The following METRNL variants were observed in gnomAD, a reference collection of about 807,000 sequenced individuals.
METRNL encodes the protein meteorin like, glial cell differentiation regulator, also known as meteorin-like protein.
Under a neutral mutation model 17.4 loss-of-function variants are expected in METRNL, and 9 were observed. That is an observed-to-expected ratio of 0.52 (90% CI 0.31 to 0.90). METRNL has a LOEUF of 0.90. Among genes scored for constraint, METRNL ranks in the 40% least tolerant of loss-of-function variants. The pLI, the probability that METRNL is intolerant of heterozygous loss-of-function variation, is 0.05. For missense variants in METRNL, 408 were observed against 430.7 expected, an observed-to-expected ratio of 0.95 and a Z score of 0.47; for synonymous variants, 215 against 199.3, an observed-to-expected ratio of 1.08 and a Z score of -0.66.
In METRNL at chr17:83,081,692, C is replaced by A. The variant is rs1323444060; in HGVS notation, c.170+1707C>A. Among the ~76,000 whole-genome samples, 3 of 152,134 alleles carry A rather than the reference C, an allele frequency of 2.0e-5. 1 individual carries two copies. The highest frequency in any genetic ancestry group is 2.0e-4 in the Admixed American group (3 of 15,284). On this transcript the variant is annotated intron_variant, in intron 1 of 3. Transcript: ENST00000320095. The stretch of plus-strand genomic sequence containing the variant: ...CACACACACACACAGGGGACCCCCC[C>A]CAACACACACACACCTGCAGAGCCT...
rs1042503979 is a variant in METRNL at position 83,094,676 on chromosome 17, G to A, written c.*101G>A. 1.5e-5 allele frequency: 15 copies of A among 1,009,032 alleles called. No homozygotes were observed. Among genetic ancestry groups the A allele is most frequent in the Admixed American group, 4.1e-5 (1 of 24,434 alleles). 62.5% of individuals were successfully genotyped at this position (1,009,032 alleles called of 1,614,324 possible). ...CGGTGAGGGCCGCGCGCTGGGAGCCGCATGCCCTGGGCCCAGGCCTGACCC... is the reference window on the plus strand; with the variant it reads ...CGGTGAGGGCCGCGCGCTGGGAGCCACATGCCCTGGGCCCAGGCCTGACCC... On this transcript the variant is annotated 3_prime_UTR_variant, in exon 4 of 4. Transcript: ENST00000320095.
intron 1 of METRNL, among the ~76,000 whole-genome samples, chr17:83,080,571 C>G (rs1306899625): frequency 2.3e-5 from 3 of 131,288 alleles, no homozygotes; most frequent in African/African-American, 5.4e-5. Flanking sequence ...GGCGACCCCC[C>G]CCCCCCCCAC....
At chr17:83,085,767 T>C (rs1352915238) in intron 2 of METRNL, among the ~76,000 whole-genome samples, 1 of 152,164 alleles carries the variant, frequency 6.6e-6, no homozygotes, top group East Asian at 1.9e-4. Flanking sequence ...CCCCCATGCT[T>C]GTGGATCGTG....
chr17:83,090,829 C>A (rs1475050737), intron 2 of METRNL, among the ~76,000 whole-genome samples: 2 of 152,032 alleles, frequency 1.3e-5, no homozygotes, highest in Non-Finnish European at 1.5e-5. Context: ...ATTTGAGATC[C>A]CCCAGTGCTC....
At chr17:83,088,561 C>G (rs888963513) in intron 2 of METRNL, among the ~76,000 whole-genome samples, 5 of 152,122 alleles carry the variant, frequency 3.3e-5, no homozygotes, top group African/African-American at 1.2e-4. Flanking sequence ...CCCCAGTGAG[C>G]AGGTGCCCAG....
intron 2 of METRNL, among the ~76,000 whole-genome samples, chr17:83,090,941 C>T (rs181350225): frequency 3.3e-4 from 51 of 152,260 alleles, no homozygotes; most frequent in Non-Finnish European, 6.5e-4. Flanking sequence ...CCCCAGCCGG[C>T]GAGTGGGATG....
Position 83,094,250 on chromosome 17 carries a change from G to A in METRNL, c.617-6G>A, listed in dbSNP as rs201172466. The A allele has an allele frequency of 6.5e-5, 101 of 1,556,012 alleles. No homozygotes were observed. The highest frequency in any genetic ancestry group is 4.7e-4 in the African/African-American group (35 of 74,134). On this transcript the variant is annotated splice_region_variant and splice_polypyrimidine_tract_variant and intron_variant, in intron 3 of 3. Transcript: ENST00000320095. ...ACTCCCTGTCCCCATCTCCTTCCCCGCACAGCCGTTCGAGGCTCCATCCAG... is the reference window on the plus strand; with the variant it reads ...ACTCCCTGTCCCCATCTCCTTCCCCACACAGCCGTTCGAGGCTCCATCCAG...
chr17:83,080,601 CTTTTTTTT>C (rs563834169), intron 1 of METRNL, among the ~76,000 whole-genome samples: 32 of 52,168 alleles, frequency 6.1e-4, no homozygotes, highest in African/African-American at 2.1e-3. Flanking sequence ...CGGCCGAGGA[CTTTTTTTT>C]TTTTTTTTTT....
At chr17:83,086,688 C>T (rs954648122) in intron 2 of METRNL, among the ~76,000 whole-genome samples, 1 of 152,192 alleles carries the variant, frequency 6.6e-6, no homozygotes, top group Non-Finnish European at 1.5e-5. Context: ...CGTTGGGCTG[C>T]GGGTCACATG....
chr17:83,081,085 G>A (rs2143606816), intron 1 of METRNL, among the ~76,000 whole-genome samples: 1 of 151,778 alleles, frequency 6.6e-6, no homozygotes, highest in East Asian at 2.0e-4. Flanking sequence ...GTGGCGCTGG[G>A]GGGCAGAGTC....
At chr17:83,092,784 C>G (rs560204096) in intron 2 of METRNL, among the ~76,000 whole-genome samples, 3 of 152,138 alleles carry the variant, frequency 2.0e-5, no homozygotes, top group African/African-American at 7.2e-5. Flanking sequence ...CCGGCTCAGC[C>G]GCACTGAGGA....
intron 2 of METRNL, among the ~76,000 whole-genome samples, chr17:83,090,809 G>A (rs2038124159): frequency 6.6e-6 from 1 of 152,012 alleles, no homozygotes; most frequent in Non-Finnish European, 1.5e-5. Flanking sequence ...GGATAAAAGT[G>A]CTGCCTGAAA....
intron 1 of METRNL, among the ~76,000 whole-genome samples, chr17:83,082,427 GC>G (rs2053004160): frequency 6.6e-6 from 1 of 152,188 alleles, no homozygotes; most frequent in South Asian, 2.1e-4. Context: ...CCATGAAGGT[GC>G]CCCACAAGCA....
At chr17:83,092,505 G>T (rs911163290) in intron 2 of METRNL, 3 of 152,094 alleles carry the variant, frequency 2.0e-5, no homozygotes, top group African/African-American at 7.3e-5. Context: ...GCCGTGGGCC[G>T]TGGAGGTGGG....
At chr17:83,094,104 A>G in intron 3 of METRNL, 152 bp from the exon 4 acceptor site, 3 of 592,956 alleles carry the variant, frequency 5.1e-6, no homozygotes, top group Middle Eastern at 3.4e-4. Flanking sequence ...GTTACATTGT[A>G]CTTTTCTCTG....
chr17:83,089,701 C>T (rs530374814), intron 2 of METRNL, among the ~76,000 whole-genome samples: 39 of 152,282 alleles, frequency 2.6e-4, no homozygotes, highest in African/African-American at 8.7e-4. Context: ...CGTTCCGCAG[C>T]CTTTATGAGC....
At chr17:83,093,061 T>C in intron 2 of METRNL, 106 bp from the exon 3 acceptor site, 1 of 904,336 alleles carries the variant, frequency 1.1e-6, no homozygotes, top group Non-Finnish European at 1.7e-6. Flanking sequence ...GTGGACACCC[T>C]CCCTGACTTG....
At chr17:83,091,819 C>G (rs796742591) in intron 2 of METRNL, among the ~76,000 whole-genome samples, 64 of 152,352 alleles carry the variant, frequency 4.2e-4, no homozygotes, top group African/African-American at 1.5e-3. Context: ...GATTTCACGT[C>G]TCAAAGTTTC....
intron 1 of METRNL, among the ~76,000 whole-genome samples, chr17:83,080,852 G>C (rs990876355): frequency 1.3e-5 from 2 of 150,416 alleles, no homozygotes; most frequent in Non-Finnish European, 3.0e-5. Flanking sequence ...GCTTCCCCTC[G>C]GCGCGGCCCC....
Sources: allele counts gnomAD v4.1 joint callset (sites outside exome capture counted in the v4.1 genomes callset), GRCh38; gene constraint gnomAD v4.1.1; transcripts MANE v1.5; gene names NCBI Gene and HGNC (gene_info 2026-07-23, HGNC 2026-07-21).